The following CLEC16A variants were observed in gnomAD, a reference collection of about 807,000 sequenced individuals.
CLEC16A encodes protein CLEC16A.
A neutral mutation model predicts 109.5 loss-of-function variants in CLEC16A; 51 were observed. The ratio of observed to expected loss-of-function variants is 0.47; its 90% confidence interval spans 0.37 to 0.59. CLEC16A has a LOEUF of 0.59. Ranked by LOEUF, CLEC16A falls within the 20% of genes least tolerant of loss-of-function variation. CLEC16A has a pLI of 0.00. For missense variants in CLEC16A, 1,339 were observed against 1,394.0 expected (o/e 0.96, Z 0.63); for synonymous variants, 673 against 564.2 (o/e 1.19, Z -2.73).
At chr16:11,029,988 A>T (rs181116881) in intron 13 of CLEC16A, among the ~76,000 whole-genome samples, 158 of 151,922 alleles carry the variant, frequency 1.0e-3, no homozygotes, top group African/African-American at 3.6e-3. Context: ...TGCAACATGT[A>T]CTCCTCTTCA....
intron 7 of CLEC16A, among the ~76,000 whole-genome samples, chr16:10,974,461 T>C (rs577453187): frequency 1.3e-5 from 2 of 152,222 alleles, no homozygotes; most frequent in Non-Finnish European, 2.9e-5. Flanking sequence ...GGCACCATTG[T>C]TGGGGGGGCT....
chr16:11,011,280 T>G (rs2045396847), intron 11 of CLEC16A, among the ~76,000 whole-genome samples: 1 of 152,262 alleles, frequency 6.6e-6, no homozygotes, highest in Admixed American at 6.5e-5. Flanking sequence ...TCTCTCTGTG[T>G]TTAAAAGTCA....
intron 19 of CLEC16A, among the ~76,000 whole-genome samples, chr16:11,114,464 A>G (rs2051831071): frequency 6.6e-6 from 1 of 152,080 alleles, no homozygotes; most frequent in Non-Finnish European, 1.5e-5. Flanking sequence ...CCTGAGTGTC[A>G]GGCAGGGAGG....
At chr16:10,963,922 C>G (rs1263843525) in intron 3 of CLEC16A, among the ~76,000 whole-genome samples, 1 of 152,196 alleles carries the variant, frequency 6.6e-6, no homozygotes, top group Non-Finnish European at 1.5e-5. Context: ...CAAATTGTCC[C>G]CAGTGCCGAG....
intron 19 of CLEC16A, among the ~76,000 whole-genome samples, chr16:11,086,804 C>A (rs570603106): frequency 1.3e-5 from 2 of 152,264 alleles, no homozygotes; most frequent in South Asian, 4.1e-4. Context: ...GACATTTATG[C>A]CCAGTTCCTG....
chr16:10,979,295 A>G, intron 8 of CLEC16A, 34 bp from the exon 9 acceptor site: 1 of 1,542,124 alleles, frequency 6.5e-7, no homozygotes, highest in Non-Finnish European at 8.9e-7. Flanking sequence ...GTGTGACCTG[A>G]TCTCTCTCTC....
intron 22 of CLEC16A, among the ~76,000 whole-genome samples, chr16:11,152,517 T>A (rs930974382): frequency 6.6e-6 from 1 of 152,244 alleles, no homozygotes; most frequent in African/African-American, 2.4e-5. Flanking sequence ...TCCAGGACAT[T>A]GACATCTGGT....
chr16:10,980,201 A>G (rs898073010), intron 9 of CLEC16A, among the ~76,000 whole-genome samples: 2 of 152,174 alleles, frequency 1.3e-5, no homozygotes, highest in South Asian at 2.1e-4. Flanking sequence ...TTTTGGCCCA[A>G]GAGGAGAGGT....
chr16:11,132,238 C>CG (rs1014212576), intron 22 of CLEC16A, among the ~76,000 whole-genome samples: 2 of 128,458 alleles, frequency 1.6e-5, no homozygotes, highest in African/African-American at 3.6e-5. Context: ...CCACCCACCC[C>CG]CCCCGCCCCC....
intron 19 of CLEC16A, among the ~76,000 whole-genome samples, chr16:11,080,795 G>A (rs2041670): frequency 0.39 from 58,640 of 152,036 alleles, 12,249 homozygotes; most frequent in African/African-American, 0.56. Context: ...TCACCTCCTC[G>A]TCTGCCTCAC....
At chr16:11,092,361 A>AACACACACACACAC (rs3030566) in intron 19 of CLEC16A, among the ~76,000 whole-genome samples, 3,484 of 132,438 alleles carry the variant, frequency 0.026, 88 homozygotes, top group Non-Finnish European at 0.033. Context: ...AACAAAAACA[A>AACACACACACACAC]ACACACACAC....
At chr16:11,173,821 C>G (rs982192811) in intron 23 of CLEC16A, among the ~76,000 whole-genome samples, 1 of 152,194 alleles carries the variant, frequency 6.6e-6, no homozygotes, top group East Asian at 1.9e-4. Flanking sequence ...GGCTTCCGAC[C>G]AAGACCAGAT....
chr16:11,123,604 T>A, intron 20 of CLEC16A, 138 bp from the exon 21 acceptor site: 1 of 794,650 alleles, frequency 1.3e-6, no homozygotes, highest in South Asian at 1.7e-5. Flanking sequence ...TCTGTTGGAC[T>A]TGGGAGGCTG....
intron 10 of CLEC16A, among the ~76,000 whole-genome samples, chr16:11,002,038 A>G (rs2044698172): frequency 6.6e-6 from 1 of 152,184 alleles, no homozygotes; most frequent in Non-Finnish European, 1.5e-5. Flanking sequence ...GTTAAAATTA[A>G]TAATAATATC....
intron 19 of CLEC16A, among the ~76,000 whole-genome samples, chr16:11,106,811 G>A (rs575894909): frequency 3.3e-5 from 5 of 152,200 alleles, no homozygotes; most frequent in African/African-American, 9.6e-5. Context: ...ATTACCCCCC[G>A]CCTATAGATG....
chr16:10,997,448 C>G (rs917975732), intron 10 of CLEC16A, among the ~76,000 whole-genome samples: 4 of 152,168 alleles, frequency 2.6e-5, no homozygotes, highest in African/African-American at 4.8e-5. Context: ...TACCTCCACC[C>G]CACCCAAGAG....
At chr16:11,065,689 A>G (rs1375826720) in intron 19 of CLEC16A, among the ~76,000 whole-genome samples, 1 of 152,272 alleles carries the variant, frequency 6.6e-6, no homozygotes, top group Non-Finnish European at 1.5e-5. Flanking sequence ...GAAAATCCTC[A>G]TGGGCTGGTT....
chr16:11,145,661 T>G (rs765225069), intron 22 of CLEC16A, among the ~76,000 whole-genome samples: 1 of 152,252 alleles, frequency 6.6e-6, no homozygotes, highest in South Asian at 2.1e-4. Context: ...CCCATCAGTC[T>G]TCCCTGGCAG....
intron 22 of CLEC16A, among the ~76,000 whole-genome samples, chr16:11,130,162 C>T (rs62026374): frequency 0.024 from 3,591 of 152,288 alleles, 59 homozygotes; most frequent in Non-Finnish European, 0.033. Context: ...GGGTTGCCTG[C>T]GTGGGAACCT....
Sources: gnomAD v4.1 joint callset for allele counts (sites outside exome capture counted in the v4.1 genomes callset) on GRCh38, gnomAD v4.1.1 for gene constraint, MANE v1.5 for transcripts, NCBI Gene and HGNC (gene_info 2026-07-23, HGNC 2026-07-21) for gene names.